ADGRB3: variants seen among roughly 807,000 people sequenced by gnomAD.
ADGRB3 encodes adhesion G protein-coupled receptor B3, also known as brain-specific angiogenesis inhibitor 3.
In ADGRB3, 37 loss-of-function variants were observed where a neutral mutation model predicts 193.4. That is an observed-to-expected ratio of 0.19 (90% CI 0.15 to 0.25). The LOEUF is 0.25. Ranked by LOEUF, ADGRB3 falls within the 10% of genes least tolerant of loss-of-function variation. The pLI, the probability that ADGRB3 is intolerant of heterozygous loss-of-function variation, is 1.00. For synonymous variants in ADGRB3, 690 were observed against 644.2 expected (o/e 1.07, Z -1.08); for missense variants, 1,637 against 1,852.9 (o/e 0.88, Z 2.14).
intron 13 of ADGRB3, among the ~76,000 whole-genome samples, chr6:69,030,748 G>C (rs1770619343): frequency 6.6e-6 from 1 of 152,112 alleles, no homozygotes; most frequent in South Asian, 2.1e-4. Context: ...CACATGTATT[G>C]CAGAACTTAA....
chr6:68,880,990 T>C (rs1235927691), intron 3 of ADGRB3, among the ~76,000 whole-genome samples: 1 of 152,136 alleles, frequency 6.6e-6, no homozygotes, highest in Non-Finnish European at 1.5e-5. Context: ...AATTTTATTT[T>C]TTATGTTTTT....
chr6:68,814,053 A>T (rs1223127670), intron 3 of ADGRB3, among the ~76,000 whole-genome samples: 5 of 152,116 alleles, frequency 3.3e-5, no homozygotes, highest in Non-Finnish European at 5.9e-5. Context: ...ATGATTTATA[A>T]TCCTTTGGGT....
intron 17 of ADGRB3, among the ~76,000 whole-genome samples, chr6:69,214,842 C>A (rs958695216): frequency 2.0e-5 from 3 of 151,686 alleles, no homozygotes; most frequent in African/African-American, 7.3e-5. Flanking sequence ...AAAGAAAATA[C>A]ATCTTCCTAA....
At chr6:69,302,347 G>T (rs576715375) in intron 20 of ADGRB3, among the ~76,000 whole-genome samples, 2 of 151,990 alleles carry the variant, frequency 1.3e-5, no homozygotes, top group South Asian at 2.1e-4. Context: ...CCGGTCTTTT[G>T]GTTCTGTAAG....
chr6:69,274,868 T>G (rs1228391998), intron 20 of ADGRB3, among the ~76,000 whole-genome samples: 1 of 152,040 alleles, frequency 6.6e-6, no homozygotes, highest in Non-Finnish European at 1.5e-5. Context: ...AATGGAAACT[T>G]GGCCAAAGAA....
intron 15 of ADGRB3, among the ~76,000 whole-genome samples, chr6:69,060,205 TG>T (rs1771693118): frequency 6.8e-6 from 1 of 146,290 alleles, no homozygotes; most frequent in South Asian, 2.2e-4. Flanking sequence ...TCTCTTTCTC[TG>T]TCTCTCTCTC....
At chr6:69,252,365 T>G (rs1766642255) in intron 20 of ADGRB3, among the ~76,000 whole-genome samples, 3 of 152,130 alleles carry the variant, frequency 2.0e-5, no homozygotes, top group Admixed American at 2.0e-4. Flanking sequence ...GTTTCAAAAT[T>G]TTTGTAAAAA....
At chr6:69,311,618 A>G (rs546429467) in intron 20 of ADGRB3, among the ~76,000 whole-genome samples, 1 of 151,902 alleles carries the variant, frequency 6.6e-6, no homozygotes, top group African/African-American at 2.4e-5. Flanking sequence ...TGTAGTAGCC[A>G]TAACAGACTG....
At position 68,817,382 on chromosome 6, in the gene ADGRB3, AAAGGCATGACTTT is replaced by A. The variant is rs1361063638; in HGVS notation, c.758-113167_758-113155del. ...ATATAATTTCTGACTGTTTCTTTTA[AAAGGCATGACTTT>A]AAGGCATGAGTTTTATTACTTATGA... On this transcript the variant is annotated intron_variant, in intron 3 of 31. Transcript: ENST00000370598. 3.8e-5 allele frequency among the ~76,000 whole-genome samples: 5 copies of A among 132,986 alleles called. No individual in the cohort carries two copies. In the East Asian group the frequency reaches 7.0e-4, roughly 19 times the overall value. 87.2% of individuals were successfully genotyped at this position (132,986 alleles called of 152,430 possible).
intron 3 of ADGRB3, among the ~76,000 whole-genome samples, chr6:68,702,676 A>G (rs1765261124): frequency 6.6e-6 from 1 of 152,154 alleles, no homozygotes; most frequent in South Asian, 2.1e-4. Flanking sequence ...TTCAAATATT[A>G]GAGCCCCCTA....
chr6:69,083,113 A>G (rs1285824752), intron 17 of ADGRB3, among the ~76,000 whole-genome samples: 1 of 152,158 alleles, frequency 6.6e-6, no homozygotes, highest in Admixed American at 6.6e-5. Flanking sequence ...AAAAAATCTT[A>G]TTGCTGGAAA....
At chr6:69,030,981 C>CTT (rs1770635515) in intron 13 of ADGRB3, among the ~76,000 whole-genome samples, 1 of 61,414 alleles carries the variant, frequency 1.6e-5, no homozygotes, top group African/African-American at 7.6e-5. Context: ...CTTTTCTTTT[C>CTT]TTTTCTTTTC....
At chr6:68,956,862 A>T in intron 8 of ADGRB3, 53 bp downstream of exon 8, 1 of 1,579,112 alleles carries the variant, frequency 6.3e-7, no homozygotes, top group Non-Finnish European at 8.6e-7. Flanking sequence ...CGTGAAAAAA[A>T]AAAGATTTAA....
chr6:69,008,431 C>T (rs1769837346), intron 11 of ADGRB3, among the ~76,000 whole-genome samples: 1 of 152,130 alleles, frequency 6.6e-6, no homozygotes, highest in Admixed American at 6.6e-5. Context: ...CTCCTTTAGG[C>T]CTTAATAATC....
chr6:69,174,386 G>T (rs1017964687), intron 17 of ADGRB3, among the ~76,000 whole-genome samples: 1 of 152,168 alleles, frequency 6.6e-6, no homozygotes, highest in African/African-American at 2.4e-5. Flanking sequence ...ATTTGATTGG[G>T]ATAATGGCCT....
At chr6:69,007,201 C>T (rs1238087277) in intron 11 of ADGRB3, among the ~76,000 whole-genome samples, 1 of 152,112 alleles carries the variant, frequency 6.6e-6, no homozygotes, top group East Asian at 1.9e-4. Flanking sequence ...TGCAATCTGT[C>T]GTCATGTCAT....
intron 11 of ADGRB3, among the ~76,000 whole-genome samples, chr6:68,994,985 A>G (rs1383518632): frequency 6.6e-6 from 1 of 152,190 alleles, no homozygotes; most frequent in Non-Finnish European, 1.5e-5. Flanking sequence ...CCTAATTTGT[A>G]TAGAGGTACA....
At chr6:69,378,035 T>C (rs1468814414) in intron 30 of ADGRB3, among the ~76,000 whole-genome samples, 2 of 152,112 alleles carry the variant, frequency 1.3e-5, no homozygotes, top group East Asian at 3.9e-4. Flanking sequence ...ATGTCTATGC[T>C]GTCTTGTTCA....
At chr6:68,767,395 T>C (rs1298145089) in intron 3 of ADGRB3, among the ~76,000 whole-genome samples, 1 of 152,114 alleles carries the variant, frequency 6.6e-6, no homozygotes, top group African/African-American at 2.4e-5. Context: ...CATATGCAAA[T>C]CATTAAACAT....
Sources: gnomAD v4.1 joint callset for allele counts (sites outside exome capture counted in the v4.1 genomes callset) on GRCh38, gnomAD v4.1.1 for gene constraint, MANE v1.5 for transcripts, NCBI Gene and HGNC (gene_info 2026-07-23, HGNC 2026-07-21) for gene names.